TMEM131: variants seen among roughly 807,000 people sequenced by gnomAD.
TMEM131 encodes transmembrane protein 131.
A neutral mutation model predicts 211.6 loss-of-function variants in TMEM131; 66 were observed. The ratio of observed to expected loss-of-function variants is 0.31; its 90% CI spans 0.26 to 0.38. The LOEUF is 0.38. Among genes scored for constraint, TMEM131 ranks in the 10% least tolerant of loss-of-function variants. TMEM131 has a pLI of 1.00. For missense variants in TMEM131, 2,036 were observed against 2,299.3 expected (o/e 0.89, Z 2.34); for synonymous variants, 844 against 841.3 (o/e 1.00, Z -0.06).
chr2:97,761,815 A>G, intron 36 of TMEM131: 1 of 508,614 alleles, frequency 2.0e-6, no homozygotes, highest in South Asian at 3.0e-5. Flanking sequence ...AGGTGGTAAG[A>G]ATGAATGGAT....
intron 1 of TMEM131, among the ~76,000 whole-genome samples, chr2:97,971,259 T>C (rs1227624808): frequency 1.3e-5 from 2 of 152,112 alleles, no homozygotes; most frequent in East Asian, 1.9e-4. Context: ...TTGCTGACAA[T>C]GTGGGGGATG....
At chr2:97,848,213 T>A (rs1683537520) in intron 5 of TMEM131, among the ~76,000 whole-genome samples, 1 of 152,188 alleles carries the variant, frequency 6.6e-6, no homozygotes, top group East Asian at 1.9e-4. Flanking sequence ...AAAGAATAGT[T>A]GTTTTCAACC....
intron 1 of TMEM131, among the ~76,000 whole-genome samples, chr2:97,948,996 A>G (rs989892221): frequency 6.6e-6 from 1 of 152,114 alleles, no homozygotes; most frequent in Non-Finnish European, 1.5e-5. Context: ...CCCACCAGAC[A>G]TTCCATTTCT....
chr2:97,887,354 T>C (rs1272246061), intron 4 of TMEM131, among the ~76,000 whole-genome samples: 1 of 152,226 alleles, frequency 6.6e-6, no homozygotes, highest in Non-Finnish European at 1.5e-5. Context: ...TGGAGGTGTG[T>C]CTGCCGGTGG....
At chr2:97,763,175 C>G (rs1202640316) in intron 35 of TMEM131, 1 of 150,338 alleles carries the variant, frequency 6.7e-6, no homozygotes, top group Non-Finnish European at 1.5e-5. Flanking sequence ...AGCCGCTCTG[C>G]CTGCTGCCTC....
At chr2:97,991,689 C>G (rs1336384334) in intron 1 of TMEM131, among the ~76,000 whole-genome samples, 1 of 151,978 alleles carries the variant, frequency 6.6e-6, no homozygotes, top group South Asian at 2.1e-4. Flanking sequence ...TACAAGAGAC[C>G]GTAGGGGAAA....
chr2:97,832,916 A>G (rs1272892184), intron 11 of TMEM131, among the ~76,000 whole-genome samples: 1 of 152,222 alleles, frequency 6.6e-6, no homozygotes, highest in Non-Finnish European at 1.5e-5. Context: ...GGAGCCTGTG[A>G]CAAGTGTTAA....
At chr2:97,842,976 C>T (rs1683266904) in intron 6 of TMEM131, among the ~76,000 whole-genome samples, 2 of 151,342 alleles carry the variant, frequency 1.3e-5, no homozygotes, top group Non-Finnish European at 2.9e-5. Context: ...AAGCAGAAGA[C>T]ACAGTCCTTA....
At chr2:97,903,883 G>A (rs1675961211) in intron 3 of TMEM131, among the ~76,000 whole-genome samples, 1 of 151,888 alleles carries the variant, frequency 6.6e-6, no homozygotes. Context: ...AGCTGGTCTC[G>A]AACTCCTAAA....
intron 2 of TMEM131, among the ~76,000 whole-genome samples, chr2:97,925,253 C>A (rs1676933932): frequency 6.6e-6 from 1 of 152,126 alleles, no homozygotes; most frequent in Non-Finnish European, 1.5e-5. Flanking sequence ...ATGAAAGAAT[C>A]TTTTGTTATT....
intron 39 of TMEM131, 104 bp downstream of exon 39, chr2:97,759,548 C>A: frequency 9.9e-7 from 1 of 1,006,398 alleles, no homozygotes; most frequent in East Asian, 2.6e-5. Context: ...GGGGCCTCTT[C>A]CACAGTGCTG....
chr2:97,778,798 C>T (rs1679851394), intron 31 of TMEM131, among the ~76,000 whole-genome samples: 1 of 152,102 alleles, frequency 6.6e-6, no homozygotes, highest in African/African-American at 2.4e-5. Context: ...CCACCATGAA[C>T]CCCTTCTTCT....
chr2:97,927,361 A>G, intron 2 of TMEM131, 65 bp downstream of exon 2: 3 of 1,260,192 alleles, frequency 2.4e-6, no homozygotes, highest in Non-Finnish European at 2.2e-6. Flanking sequence ...CATTTTTAAA[A>G]GAAAAATAAT....
At chr2:97,905,155 C>T (rs1676015514) in intron 3 of TMEM131, among the ~76,000 whole-genome samples, 1 of 152,144 alleles carries the variant, frequency 6.6e-6, no homozygotes, top group South Asian at 2.1e-4. Flanking sequence ...TGCCAGTCTA[C>T]TGCAAATTTT....
chr2:97,874,666 G>A (rs1674619963), intron 4 of TMEM131, among the ~76,000 whole-genome samples: 4 of 152,182 alleles, frequency 2.6e-5, no homozygotes, highest in Non-Finnish European at 5.9e-5. Context: ...TTACAGACAA[G>A]CAAATGCTGA....
At chr2:97,884,334 T>A (rs192415429) in intron 4 of TMEM131, among the ~76,000 whole-genome samples, 3 of 152,350 alleles carry the variant, frequency 2.0e-5, no homozygotes, top group Non-Finnish European at 4.4e-5. Flanking sequence ...TCATTTTGTG[T>A]CCTAACATAC....
At chr2:97,802,278 C>T in intron 24 of TMEM131, 150 bp downstream of exon 24, 2 of 675,434 alleles carry the variant, frequency 3.0e-6, no homozygotes, top group African/African-American at 1.8e-5. Flanking sequence ...TCAACCTAAA[C>T]CTCCCTAAAA....
intron 2 of TMEM131, among the ~76,000 whole-genome samples, chr2:97,912,888 A>G (rs1049061969): frequency 1.3e-5 from 2 of 152,188 alleles, no homozygotes; most frequent in African/African-American, 2.4e-5. Context: ...TTCCAATCAA[A>G]TAGACCAGCC....
Position 97,809,696 on chromosome 2 carries a change from A to C in TMEM131, c.2047T>G (p.Ser683Ala). The C allele has an allele frequency of 1.2e-6, 2 of 1,610,252 alleles. No individual in the cohort carries two copies. Among genetic ancestry groups the C allele is most frequent in the African/African-American group, 2.7e-5 (2 of 75,042 alleles). Residue 683 changes from serine to alanine, a missense_variant, in exon 19 of 41, where the codon TCC becomes GCC. This residue lies in a region of TMEM131 where 1,623 missense variants were observed against 1,805.9 expected (regional missense o/e 0.90). Coordinates refer to ENST00000186436, the MANE Select transcript of TMEM131 (RefSeq NM_015348.2). ...CFPKHVVLPP[S>A]FPGKIVHQSL... ...TGTATTAATGGTCTTACTGGAAAGGAAGGTGGAAGAACCACGTGCTTAGGG... is the reference window on the plus strand; with the variant it reads ...TGTATTAATGGTCTTACTGGAAAGGCAGGTGGAAGAACCACGTGCTTAGGG...
Sources: allele counts gnomAD v4.1 joint callset (sites outside exome capture counted in the v4.1 genomes callset), GRCh38; gene constraint gnomAD v4.1.1; regional missense constraint gnomAD v4.1.1; transcripts MANE v1.5; gene names NCBI Gene and HGNC (gene_info 2026-07-23, HGNC 2026-07-21).